The following PABPC4L variants were observed in gnomAD, a reference collection of about 807,000 sequenced individuals.
PABPC4L encodes polyadenylate-binding protein 4-like.
For missense variants in PABPC4L, 452 were observed against 451.4 expected (o/e 1.00, Z -0.01); for synonymous variants, 169 against 164.1 (o/e 1.03, Z -0.23).
the PABPC4L span, among the ~76,000 whole-genome samples, chr4:133,956,975 T>G: frequency 2.6e-5 from 4 of 152,146 alleles, no homozygotes; most frequent in African/African-American, 7.2e-5. Context: ...GGAACTACAA[T>G]TTTAGATGTG....
At chr4:134,035,820 T>C in the PABPC4L span, among the ~76,000 whole-genome samples, 1 of 152,124 alleles carries the variant, frequency 6.6e-6, no homozygotes, top group Non-Finnish European at 1.5e-5. Context: ...GTCATGTTTT[T>C]ATGCACCTTC....
At chr4:133,990,115 C>T in the PABPC4L span, among the ~76,000 whole-genome samples, 1 of 152,136 alleles carries the variant, frequency 6.6e-6, no homozygotes, top group Non-Finnish European at 1.5e-5. Flanking sequence ...GGTGAGGACA[C>T]AGCCAAATCA....
the PABPC4L span, among the ~76,000 whole-genome samples, chr4:134,176,695 G>A: frequency 0.71 from 107,564 of 151,828 alleles, 39,677 homozygotes; most frequent in East Asian, 1. Context: ...CAGAACAGAG[G>A]GGAGAAAAGC....
the PABPC4L span, among the ~76,000 whole-genome samples, chr4:133,998,747 T>C: frequency 6.6e-6 from 1 of 151,944 alleles, no homozygotes; most frequent in Non-Finnish European, 1.5e-5. Flanking sequence ...GTTTTTTTTT[T>C]CTAATGTTGG....
At chr4:134,017,759 CT>C in the PABPC4L span, among the ~76,000 whole-genome samples, 1 of 151,910 alleles carries the variant, frequency 6.6e-6, no homozygotes, top group African/African-American at 2.4e-5. Flanking sequence ...ACAAATGTTT[CT>C]TCTAAAAACC....
the PABPC4L span, among the ~76,000 whole-genome samples, chr4:134,077,612 A>G: frequency 6.6e-6 from 1 of 152,046 alleles, no homozygotes; most frequent in Non-Finnish European, 1.5e-5. Flanking sequence ...TTGTGTGCAC[A>G]TTTTCACCTC....
the PABPC4L span, among the ~76,000 whole-genome samples, chr4:133,974,759 A>T: frequency 6.6e-6 from 1 of 152,138 alleles, no homozygotes; most frequent in Non-Finnish European, 1.5e-5. Context: ...CCAATAACAC[A>T]TGCAAATATG....
At chr4:134,044,036 G>A in the PABPC4L span, among the ~76,000 whole-genome samples, 1 of 151,720 alleles carries the variant, frequency 6.6e-6, no homozygotes, top group Non-Finnish European at 1.5e-5. Context: ...GAGTGCAGGG[G>A]CACGATGGTG....
At chr4:134,026,241 A>AT in the PABPC4L span, among the ~76,000 whole-genome samples, 2,098 of 145,822 alleles carry the variant, frequency 0.014, 22 homozygotes, top group African/African-American at 0.021. Flanking sequence ...AATTTTTGCG[A>AT]TTTTTTTTTT....
chr4:134,015,995 G>A, the PABPC4L span, among the ~76,000 whole-genome samples: 8 of 151,808 alleles, frequency 5.3e-5, no homozygotes, highest in South Asian at 6.3e-4. Flanking sequence ...ACATTATTCC[G>A]GATACCACAC....
At chr4:134,074,982 A>T in the PABPC4L span, among the ~76,000 whole-genome samples, 1 of 152,164 alleles carries the variant, frequency 6.6e-6, no homozygotes, top group Admixed American at 6.6e-5. Context: ...GTATTTTAAG[A>T]CAATTGAAAA....
At chr4:134,163,985 C>T in the PABPC4L span, among the ~76,000 whole-genome samples, 1 of 151,968 alleles carries the variant, frequency 6.6e-6, no homozygotes, top group East Asian at 1.9e-4. Context: ...AGTCCTGGGC[C>T]AGGCGCGGTG....
the PABPC4L span, among the ~76,000 whole-genome samples, chr4:134,103,304 A>T: frequency 1.3e-5 from 2 of 151,620 alleles, no homozygotes; most frequent in Admixed American, 6.6e-5. Context: ...TGGGTAGTGT[A>T]CTTGTTTTCT....
chr4:134,086,901 A>G, the PABPC4L span, among the ~76,000 whole-genome samples: 2 of 151,794 alleles, frequency 1.3e-5, no homozygotes, highest in Admixed American at 6.6e-5. Context: ...CGCTGCACCC[A>G]CTAACTCATC....
At chr4:134,016,591 C>T in the PABPC4L span, among the ~76,000 whole-genome samples, 13 of 152,138 alleles carry the variant, frequency 8.5e-5, no homozygotes, top group South Asian at 4.1e-4. Flanking sequence ...CCTACTCCCC[C>T]GCTGAAACTT....
At chr4:134,056,219 A>G in the PABPC4L span, among the ~76,000 whole-genome samples, 2 of 152,152 alleles carry the variant, frequency 1.3e-5, no homozygotes, top group African/African-American at 2.4e-5. Flanking sequence ...TGAAATATCA[A>G]TAACGCACAG....
At chr4:134,170,579 G>T in the PABPC4L span, among the ~76,000 whole-genome samples, 1 of 152,090 alleles carries the variant, frequency 6.6e-6, no homozygotes, top group South Asian at 2.1e-4. Flanking sequence ...GGAGCAAGGT[G>T]CCTCACATGG....
the PABPC4L span, among the ~76,000 whole-genome samples, chr4:134,069,542 C>A: frequency 1.3e-5 from 2 of 151,902 alleles, no homozygotes; most frequent in South Asian, 2.1e-4. Context: ...TTTATTTTTT[C>A]TGACTGAGTT....
At chr4:133,991,007 G>T in the PABPC4L span, among the ~76,000 whole-genome samples, 1 of 151,872 alleles carries the variant, frequency 6.6e-6, no homozygotes, top group Non-Finnish European at 1.5e-5. Context: ...TCTGTTTTTT[G>T]TTTGTTTGTT....
Sources: allele counts gnomAD v4.1 joint callset (sites outside exome capture counted in the v4.1 genomes callset), GRCh38; gene constraint gnomAD v4.1.1; transcripts MANE v1.5; gene names NCBI Gene and HGNC (gene_info 2026-07-23, HGNC 2026-07-21).